Variants in HPF1 observed in about 807,000 individuals in gnomAD.
HPF1 encodes histone PARylation factor 1, also known as UPF0609 protein C4orf27.
In HPF1, 35 loss-of-function variants were observed where a neutral mutation model predicts 38.8. That is an observed-to-expected ratio of 0.90 (90% CI 0.69 to 1.19). HPF1 has a LOEUF of 1.19. Among genes scored for constraint, HPF1 ranks in the 50% most tolerant of loss-of-function variants. The pLI, the probability that HPF1 is intolerant of heterozygous loss-of-function variation, is 0.00. For synonymous variants in HPF1, 115 were observed against 139.2 expected (o/e 0.83, Z 1.22); for missense variants, 367 against 405.8 (o/e 0.90, Z 0.82).
chr4:169,749,392 T>C (rs1354818262), intron 3 of HPF1, among the ~76,000 whole-genome samples: 4 of 151,512 alleles, frequency 2.6e-5, no homozygotes, highest in African/African-American at 9.8e-5. Context: ...CGTCCTATTA[T>C]TACACTTTTT....
In HPF1 at chr4:169,731,722, G is replaced by A. The variant is rs371196142; in HGVS notation, c.891C>T (p.Leu297=). 6 of 1,558,332 alleles carry A rather than the reference G, an allele frequency of 3.9e-6. No individual in the cohort carries two copies. Among genetic ancestry groups the A allele is most frequent in the East Asian group, 2.3e-5 (1 of 43,662 alleles). Reference sequence around the variant, plus strand: ...TACTCACATGTGAGCCATAGCAAAAGAGATCCATTCCCAATTCAAGCCCCA... The same window carrying A: ...TACTCACATGTGAGCCATAGCAAAAAAGATCCATTCCCAATTCAAGCCCCA... ...YGMGLELGMD[L]FCYGSHYFHK... Residue 297 remains leucine (L), a synonymous_variant, in exon 7 of 8, where the codon CTC becomes CTT. Transcript: ENST00000393381.
intron 6 of HPF1, among the ~76,000 whole-genome samples, chr4:169,733,548 A>G (rs1733856493): frequency 1.3e-5 from 2 of 152,218 alleles, no homozygotes; most frequent in Admixed American, 1.3e-4. Flanking sequence ...AATTCTATGT[A>G]TGAGGCACAA....
At chr4:169,731,976 CTT>C in intron 6 of HPF1, 100 bp from the exon 7 acceptor site, 1 of 943,580 alleles carries the variant, frequency 1.1e-6, no homozygotes, top group African/African-American at 1.7e-5. Context: ...CCTCCTAAGA[CTT>C]TGTACTAATA....
rs561489097 is a variant in HPF1, at chr4:169,750,665, T to C, written c.269A>G (p.Lys90Arg). 5.0e-5 allele frequency: 80 copies of C among 1,614,016 alleles called. No individual in the cohort carries two copies. The highest frequency in any genetic ancestry group is 6.6e-5 in the Non-Finnish European group (78 of 1,179,954). Residue 90 changes from lysine to arginine, a missense_variant, in exon 3 of 8, where the codon AAA becomes AGA. Coordinates refer to ENST00000393381, the MANE Select transcript of HPF1 (RefSeq NM_017867.3). ...LVGPYDILAG[K>R]HKTKKKSTGL... ...TGTTGATTTTTTCTTCGTTTTATGT[T>C]TTCCAGCAAGGATATCATAAGGACC...
intron 1 of HPF1, among the ~76,000 whole-genome samples, chr4:169,755,868 T>C (rs1372509015): frequency 6.6e-6 from 1 of 151,946 alleles, no homozygotes; most frequent in Non-Finnish European, 1.5e-5. Flanking sequence ...GATGTAGAGC[T>C]ATTGTCTGTT....
chr4:169,754,633 T>G (rs553899557), intron 1 of HPF1, among the ~76,000 whole-genome samples: 1 of 152,210 alleles, frequency 6.6e-6, no homozygotes, highest in Admixed American at 6.5e-5. Context: ...TGTTTTTCTA[T>G]GAACCTAGAT....
At chr4:169,754,854 C>G (rs1293695339) in intron 1 of HPF1, among the ~76,000 whole-genome samples, 2 of 152,194 alleles carry the variant, frequency 1.3e-5, no homozygotes, top group East Asian at 3.9e-4. Flanking sequence ...CTACTGGCCC[C>G]AAATGTCAAC....
Position 169,735,344 on chromosome 4 carries a change from G to A in HPF1, c.736+2316C>T, listed in dbSNP as rs544118487. 4.6e-5 allele frequency among the ~76,000 whole-genome samples: 7 copies of A among 152,230 alleles called. No individual in the cohort carries two copies. The South Asian group carries it at 6.2e-4, about 14-fold the overall frequency. Reference sequence around the variant, plus strand: ...CGTATCTTATTTGCTAAGTTAAAGCGTTATTGTGAGAAGCTTCAAAGGGTT... The same window carrying A: ...CGTATCTTATTTGCTAAGTTAAAGCATTATTGTGAGAAGCTTCAAAGGGTT... On this transcript the variant is annotated intron_variant, in intron 6 of 7. Coordinates refer to ENST00000393381, the MANE Select transcript of HPF1 (RefSeq NM_017867.3).
intron 3 of HPF1, among the ~76,000 whole-genome samples, chr4:169,749,565 A>T (rs1239958160): frequency 2.6e-5 from 4 of 152,146 alleles, no homozygotes; most frequent in Non-Finnish European, 4.4e-5. Context: ...CCAAGGATCT[A>T]GGTTGATGCC....
intron 1 of HPF1, among the ~76,000 whole-genome samples, chr4:169,755,948 C>T (rs896607169): frequency 8.6e-5 from 13 of 151,922 alleles, no homozygotes; most frequent in Non-Finnish European, 1.3e-4. Flanking sequence ...AGGTCAAAGA[C>T]GATCATGAAT....
At chr4:169,745,047 T>C (rs990718166) in intron 4 of HPF1, among the ~76,000 whole-genome samples, 7 of 152,168 alleles carry the variant, frequency 4.6e-5, no homozygotes, top group African/African-American at 1.7e-4. Context: ...GGCTGCGGGA[T>C]GACCCCACAG....
At chr4:169,729,896 C>T (rs147621566) in intron 7 of HPF1, among the ~76,000 whole-genome samples, 187 bp from the exon 8 acceptor site, 71 of 152,288 alleles carry the variant, frequency 4.7e-4, no homozygotes, top group African/African-American at 1.6e-3. Context: ...AGTCTTGTTG[C>T]TCTAGATGAC....
chr4:169,748,766 C>A lies in HPF1; in HGVS notation c.475G>T (p.Asp159Tyr). 1 of 1,436,480 alleles carries A rather than the reference C, an allele frequency of 7.0e-7. No homozygotes were observed. The highest frequency in any genetic ancestry group is 9.5e-7 in the Non-Finnish European group (1 of 1,052,294). 89.0% of individuals were successfully genotyped at this position (1,436,480 alleles called of 1,614,324 possible). A position where few individuals can be genotyped will look rare whatever the true frequency, so the allele number is the denominator to read the frequency against. The part of the protein sequence containing the change: ...KKNCIIVPNG[D>Y]NVFAAVKLFL... The stretch of plus-strand genomic sequence containing the variant: ...TACTTGACTGCAGCAAATACATTAT[C>A]TCCATTTGGAACAATTATACAATTT... Residue 159 changes from aspartate to tyrosine, a missense_variant, in exon 4 of 8, where the codon GAT (aspartate) becomes TAT (tyrosine). By Grantham distance (160) the Asp-to-Tyr change is radical. Coordinates refer to ENST00000393381, the MANE Select transcript of HPF1 (RefSeq NM_017867.3).
chr4:169,749,675 C>T (rs1388249071), intron 3 of HPF1, among the ~76,000 whole-genome samples: 1 of 136,856 alleles, frequency 7.3e-6, no homozygotes, highest in Non-Finnish European at 1.5e-5. Context: ...ATAATGGAAC[C>T]TAAAACTAAG....
intron 5 of HPF1, among the ~76,000 whole-genome samples, chr4:169,740,961 C>A (rs1392451544): frequency 2.0e-5 from 3 of 152,194 alleles, no homozygotes; most frequent in Non-Finnish European, 4.4e-5. Flanking sequence ...GCTACCCTTC[C>A]TCCTAGTCAC....
rs573104015 is a variant in HPF1, at chr4:169,751,352, G to A, written c.209-627C>T. On this transcript the variant is annotated intron_variant, in intron 2 of 7. Transcript: ENST00000393381. The stretch of plus-strand genomic sequence containing the variant: ...CTGGAGGTGGAGGTTGCAGTGAAAC[G>A]AGATTGCGCCATTGCACTCCAGCCT... Among the ~76,000 whole-genome samples, 16 of 148,124 alleles carry A rather than the reference G, an allele frequency of 1.1e-4. No individual in the cohort carries two copies. In the South Asian group the frequency reaches 2.3e-3, roughly 22 times the overall value.
chr4:169,756,967 G>A (rs1734194716), intron 1 of HPF1, among the ~76,000 whole-genome samples: 1 of 152,152 alleles, frequency 6.6e-6, no homozygotes, highest in Admixed American at 6.5e-5. Context: ...CTATACCGAT[G>A]GCCCTTTAAC....
chr4:169,743,321 G>C (rs1368132554), intron 4 of HPF1, among the ~76,000 whole-genome samples: 1 of 151,180 alleles, frequency 6.6e-6, no homozygotes, highest in Non-Finnish European at 1.5e-5. Context: ...TGTTGGTCAG[G>C]GTGGTCTCGA....
Position 169,729,516 on chromosome 4 carries a change from C to T in HPF1, c.*62G>A, listed in dbSNP as rs745582269. 46 of 1,284,662 alleles carry T rather than the reference C, an allele frequency of 3.6e-5. No homozygotes were observed. The highest frequency in any genetic ancestry group is 2.0e-4 in the Middle Eastern group (1 of 4,966). 79.6% of individuals were successfully genotyped at this position (1,284,662 alleles called of 1,614,324 possible). A position where few individuals can be genotyped will look rare whatever the true frequency, so the allele number is the denominator to read the frequency against. On this transcript the variant is annotated 3_prime_UTR_variant, in exon 8 of 8. Coordinates refer to ENST00000393381, the MANE Select transcript of HPF1 (RefSeq NM_017867.3). ...TTTTTTGTATTCCTTAAAAACAAAA[C>T]AAAAATCACAAGTTTAATACTAGTC...
Sources: allele counts gnomAD v4.1 joint callset (sites outside exome capture counted in the v4.1 genomes callset), GRCh38; gene constraint gnomAD v4.1.1; transcripts MANE v1.5; gene names NCBI Gene and HGNC (gene_info 2026-07-23, HGNC 2026-07-21).